The following EYS variants were observed in gnomAD, a reference collection of about 807,000 sequenced individuals.
The protein encoded by EYS is protein eyes shut homolog.
A neutral mutation model predicts 282.1 loss-of-function variants in EYS; 250 were observed. The observed-to-expected ratio is 0.89, with a 90% CI of 0.80 to 0.98. The LOEUF is 0.98. Ranked by LOEUF, EYS falls within the 50% of genes least tolerant of loss-of-function variation. The probability of loss-of-function intolerance (pLI) is 0.00; values close to 1 mark genes in which losing one functional copy is unlikely to be tolerated. For missense variants in EYS, 4,016 were observed against 3,709.0 expected (o/e 1.08, Z -2.15); for synonymous variants, 1,355 against 1,282.9 (o/e 1.06, Z -1.20).
At chr6:64,818,419 G>C (rs1488014435) in intron 21 of EYS, among the ~76,000 whole-genome samples, 7 of 152,144 alleles carry the variant, frequency 4.6e-5, no homozygotes, top group African/African-American at 1.4e-4. Flanking sequence ...TAGGATAGAA[G>C]TATATGTGAA....
At chr6:65,015,019 AG>A in intron 13 of EYS, among the ~76,000 whole-genome samples, 1 of 152,284 alleles carries the variant, frequency 6.6e-6, no homozygotes, top group East Asian at 1.9e-4. Flanking sequence ...GATGCAAGGA[AG>A]GGGTCATGAG....
At chr6:63,806,480 C>T in intron 36 of EYS, 108 bp from the exon 37 acceptor site, 1 of 939,996 alleles carries the variant, frequency 1.1e-6, no homozygotes, top group Non-Finnish European at 1.5e-6. Flanking sequence ...TTTACTATTA[C>T]ATTAATTATA....
At chr6:65,223,728 G>A (rs1766539030) in intron 12 of EYS, among the ~76,000 whole-genome samples, 1 of 152,112 alleles carries the variant, frequency 6.6e-6, no homozygotes, top group South Asian at 2.1e-4. Context: ...CTAGGACAAT[G>A]GATACCATCC....
At chr6:63,948,653 A>T (rs984532272) in intron 35 of EYS, among the ~76,000 whole-genome samples, 1 of 150,794 alleles carries the variant, frequency 6.6e-6, no homozygotes, top group Admixed American at 6.6e-5. Context: ...TCCTGAACCA[A>T]TTTTTTTTTC....
chr6:64,574,116 G>T (rs1211026170), intron 26 of EYS, among the ~76,000 whole-genome samples: 1 of 152,168 alleles, frequency 6.6e-6, no homozygotes, highest in Non-Finnish European at 1.5e-5. Context: ...ATGAGTTCAT[G>T]TCCTTTGCAG....
chr6:65,305,686 G>C (rs1243892622), intron 11 of EYS, among the ~76,000 whole-genome samples: 5 of 152,344 alleles, frequency 3.3e-5, no homozygotes, highest in Admixed American at 2.0e-4. Flanking sequence ...CATTATATGA[G>C]ATGGTGACAT....
chr6:63,828,047 A>T (rs116807555), intron 36 of EYS, among the ~76,000 whole-genome samples: 1,875 of 152,256 alleles, frequency 0.012, 31 homozygotes, highest in African/African-American at 0.043. Context: ...CTGAATGACA[A>T]TAGTGATACA....
chr6:65,676,763 C>T (rs948572931), intron 1 of EYS, among the ~76,000 whole-genome samples: 2 of 151,690 alleles, frequency 1.3e-5, no homozygotes, highest in African/African-American at 4.8e-5. Context: ...AAAAAAATTG[C>T]ATACCAATAT....
intron 35 of EYS, among the ~76,000 whole-genome samples, chr6:63,878,116 C>A (rs1437150666): frequency 6.6e-6 from 1 of 152,078 alleles, no homozygotes; most frequent in Non-Finnish European, 1.5e-5. Context: ...TTTTATCTAC[C>A]TTTGGTCTTT....
intron 24 of EYS, among the ~76,000 whole-genome samples, chr6:64,604,210 A>G (rs901168100): frequency 3.9e-5 from 6 of 152,030 alleles, no homozygotes; most frequent in African/African-American, 1.4e-4. Context: ...TAGGTTATCC[A>G]CAATATCCTG....
intron 11 of EYS, chr6:65,330,551 T>G (rs563600715): frequency 1.0e-6 from 1 of 983,750 alleles, no homozygotes; most frequent in South Asian, 4.7e-5. Context: ...AATGTGGTAA[T>G]ATGCAGACCT....
chr6:65,207,878 T>C (rs1043961339), intron 12 of EYS, among the ~76,000 whole-genome samples: 4 of 151,798 alleles, frequency 2.6e-5, no homozygotes, highest in African/African-American at 9.7e-5. Context: ...TAACTCAAGA[T>C]GTATTAAAGA....
intron 18 of EYS, among the ~76,000 whole-genome samples, 192 bp from the exon 19 acceptor site, chr6:64,887,034 A>G (rs1423848809): frequency 2.0e-5 from 3 of 151,780 alleles, no homozygotes; most frequent in Non-Finnish European, 4.4e-5. Flanking sequence ...AATGTTCTTT[A>G]TGTGTGAAAT....
At chr6:64,798,624 TTTTGC>T (rs1044253475) in intron 22 of EYS, among the ~76,000 whole-genome samples, 2 of 149,718 alleles carry the variant, frequency 1.3e-5, no homozygotes, top group African/African-American at 4.9e-5. Flanking sequence ...TTTTTTTTTT[TTTTGC>T]ATCATTAGCT....
intron 31 of EYS, among the ~76,000 whole-genome samples, chr6:64,165,553 C>T (rs1388074730): frequency 6.6e-6 from 1 of 152,060 alleles, no homozygotes; most frequent in East Asian, 1.9e-4. Context: ...TACATAATTA[C>T]AAAGACGAAG....
intron 29 of EYS, among the ~76,000 whole-genome samples, chr6:64,376,811 T>G (rs1012465567): frequency 6.6e-6 from 1 of 152,122 alleles, no homozygotes; most frequent in African/African-American, 2.4e-5. Flanking sequence ...AAAGTGAATT[T>G]ATCATCTTTT....
At chr6:65,646,081 C>A (rs1370730056) in intron 1 of EYS, among the ~76,000 whole-genome samples, 2 of 152,128 alleles carry the variant, frequency 1.3e-5, no homozygotes, top group Non-Finnish European at 2.9e-5. Flanking sequence ...GGATTCACAG[C>A]TGAATTCCTT....
chr6:65,701,670 G>A (rs1769680680), intron 1 of EYS, among the ~76,000 whole-genome samples: 1 of 151,854 alleles, frequency 6.6e-6, no homozygotes, highest in Non-Finnish European at 1.5e-5. Flanking sequence ...TTTATTTCTT[G>A]ATTTTTTTTC....
chr6:65,514,776 T>C (rs1162306108), intron 2 of EYS, among the ~76,000 whole-genome samples: 2 of 152,160 alleles, frequency 1.3e-5, no homozygotes, highest in Admixed American at 6.5e-5. Flanking sequence ...TTACACCTTA[T>C]ACAAAAATTA....
Sources: allele counts gnomAD v4.1 joint callset (sites outside exome capture counted in the v4.1 genomes callset), GRCh38; gene constraint gnomAD v4.1.1; transcripts MANE v1.5; gene names NCBI Gene and HGNC (gene_info 2026-07-23, HGNC 2026-07-21).